The following PIGN variants were observed in gnomAD, a reference collection of about 807,000 sequenced individuals.
PIGN encodes the protein GPI ethanolamine phosphate transferase 1.
A neutral mutation model predicts 125.4 loss-of-function variants in PIGN; 117 were observed. The ratio of observed to expected loss-of-function variants is 0.93; its 90% CI spans 0.80 to 1.09. PIGN has a LOEUF of 1.09. PIGN is among the 50% of genes least tolerant of loss of function. The pLI is 0.00. For missense variants in PIGN, 1,075 were observed against 1,094.9 expected (o/e 0.98, Z 0.26); for synonymous variants, 392 against 377.8 (o/e 1.04, Z -0.44).
chr18:62,127,984 A>G lies in PIGN; in HGVS notation c.1172+10259T>C, dbSNP rs80219765. Among the ~76,000 whole-genome samples, 1,467 of 152,310 alleles carry G rather than the reference A, an allele frequency of 9.6e-3. 47 individuals are homozygous for G. Among genetic ancestry groups the G allele is most frequent in the East Asian group, 0.068 (354 of 5,180 alleles). On this transcript the variant is annotated intron_variant, in intron 14 of 30. Transcript: ENST00000640252. ...AAAATGCATGGGAAACTACACATGG[A>G]AAACATACCAACAAACTTATGAAAA...
intron 30 of PIGN, among the ~76,000 whole-genome samples, chr18:62,065,227 C>CT (rs1488515473): frequency 3.3e-5 from 5 of 150,954 alleles, no homozygotes; most frequent in Non-Finnish European, 7.4e-5. Context: ...TTTTTAAAAA[C>CT]TTTTTTATAA....
intron 23 of PIGN, among the ~76,000 whole-genome samples, chr18:62,024,518 C>G (rs2030091874): frequency 6.6e-6 from 1 of 152,198 alleles, no homozygotes; most frequent in Non-Finnish European, 1.5e-5. Context: ...TGGTTCTCCT[C>G]TTTTTCCTCC....
intron 1 of PIGN, among the ~76,000 whole-genome samples, chr18:62,166,439 G>A (rs2037136346): frequency 1.3e-5 from 2 of 152,192 alleles, no homozygotes; most frequent in African/African-American, 4.8e-5. Flanking sequence ...AAATAGGAAT[G>A]TTTTTACACT....
chr18:62,126,252 A>G (rs771400493), intron 14 of PIGN, among the ~76,000 whole-genome samples: 11 of 152,138 alleles, frequency 7.2e-5, no homozygotes, highest in Non-Finnish European at 1.0e-4. Flanking sequence ...AATAATAATT[A>G]TCATACTTTC....
In PIGN at chr18:62,140,291, G is replaced by A. The variant is rs1010263247; in HGVS notation, c.1023+129C>T. On this transcript the variant is annotated intron_variant, in intron 12 of 30. Transcript: ENST00000640252. Reference sequence around the variant, plus strand: ...GAGCCCAGAAGTTCAAGACCAGCCTGGGCAACATAGCAAGACCCCATCTAA... The same window carrying A: ...GAGCCCAGAAGTTCAAGACCAGCCTAGGCAACATAGCAAGACCCCATCTAA... The A allele has an allele frequency of 1.1e-5, 5 of 470,410 alleles. No individual in the cohort carries two copies. The South Asian group carries it at 1.5e-4, about 14-fold the overall frequency. 29.1% of individuals were successfully genotyped at this position (470,410 alleles called of 1,614,324 possible). A position where few individuals can be genotyped will look rare whatever the true frequency, so the allele number is the denominator to read the frequency against.
Position 62,059,620 on chromosome 18 carries a change from C to T in PIGN, c.2672+13053G>A, listed in dbSNP as rs377240427. ...TAGGCAAATCTGTAGAGACAGAAAG[C>T]AGATTTGTTGTTGCCTGGGCTTGGG... is the stretch of plus-strand genomic sequence containing the variant. On this transcript the variant is annotated intron_variant, in intron 30 of 30. Coordinates refer to ENST00000640252, the MANE Select transcript of PIGN (RefSeq NM_176787.5). Among the ~76,000 whole-genome samples, 490 of 152,210 alleles carry T rather than the reference C, an allele frequency of 3.2e-3. 5 individuals carry two copies. The highest frequency in any genetic ancestry group is 0.011 in the African/African-American group (477 of 41,520).
intron 30 of PIGN, among the ~76,000 whole-genome samples, chr18:62,051,498 T>TGTA (rs2031284113): frequency 6.6e-6 from 1 of 152,196 alleles, no homozygotes; most frequent in Admixed American, 6.5e-5. Flanking sequence ...TAGAGGTGTT[T>TGTA]GTAGTATTCT....
intron 20 of PIGN, chr18:62,105,301 C>A (rs1170046043): frequency 3.6e-6 from 1 of 280,412 alleles, no homozygotes. Flanking sequence ...AAAAAATGGG[C>A]GGGATTTTAA....
chr18:62,021,811 T>C (rs1362678590), intron 23 of PIGN, among the ~76,000 whole-genome samples: 3 of 152,202 alleles, frequency 2.0e-5, no homozygotes, highest in African/African-American at 7.2e-5. Context: ...CAAGTGGGAC[T>C]ATTTGGGGTC....
In PIGN at chr18:62,042,362, T is replaced by C. The variant is rs1402383604; in HGVS notation, c.*3494A>G. 6.6e-6 allele frequency: 1 copy of C among 152,188 alleles called. No individual in the cohort carries two copies. Among genetic ancestry groups the C allele is most frequent in the African/African-American group, 2.4e-5 (1 of 41,452 alleles). The allele number at this position is 152,188 out of a possible 1,614,324, so 9.4% of individuals were successfully genotyped here. On this transcript the variant is annotated 3_prime_UTR_variant, in exon 31 of 31. Coordinates refer to ENST00000640252, the MANE Select transcript of PIGN (RefSeq NM_176787.5). ...AAGAAAAAAGAAACTATTTTTATTATGACATTTATTTGTATTACAAGGAAC... is the reference window on the plus strand; with the variant it reads ...AAGAAAAAAGAAACTATTTTTATTACGACATTTATTTGTATTACAAGGAAC...
At chr18:62,184,636 A>G (rs1457249117) in intron 1 of PIGN, 1 of 152,204 alleles carries the variant, frequency 6.6e-6, no homozygotes, top group Non-Finnish European at 1.5e-5. Context: ...TATGGGAAGA[A>G]TTCCTCTACA....
intron 8 of PIGN, 87 bp from the exon 9 acceptor site, chr18:62,147,188 T>C: frequency 1.4e-6 from 2 of 1,408,132 alleles, no homozygotes; most frequent in Non-Finnish European, 1.9e-6. Context: ...TCAAAATCAG[T>C]AACTTCTGAA....
chr18:62,118,925 A>G (rs2035191467), intron 14 of PIGN, among the ~76,000 whole-genome samples: 2 of 152,028 alleles, frequency 1.3e-5, no homozygotes, highest in African/African-American at 4.8e-5. Flanking sequence ...TTTGTATAGA[A>G]CAAGAGGACA....
intron 1 of PIGN, among the ~76,000 whole-genome samples, chr18:62,168,562 A>G (rs997187004): frequency 6.6e-6 from 1 of 152,126 alleles, no homozygotes; most frequent in African/African-American, 2.4e-5. Context: ...TAAATACTTC[A>G]GTGTTTACTT....
At chr18:62,089,929 T>C (rs1028061076) in intron 24 of PIGN, among the ~76,000 whole-genome samples, 3 of 152,164 alleles carry the variant, frequency 2.0e-5, no homozygotes, top group Non-Finnish European at 4.4e-5. Flanking sequence ...TCCTTAAAAA[T>C]TGGTTGGATT....
chr18:62,018,252 G>A (rs2030006425), intron 23 of PIGN, among the ~76,000 whole-genome samples: 1 of 152,226 alleles, frequency 6.6e-6, no homozygotes, highest in Non-Finnish European at 1.5e-5. Flanking sequence ...CTCTGGTAGA[G>A]CTGGGAGGCT....
chr18:62,039,426 T>C (rs1202763141), downstream of PIGN, among the ~76,000 whole-genome samples: 1 of 152,088 alleles, frequency 6.6e-6, no homozygotes, highest in Non-Finnish European at 1.5e-5. Context: ...AGTTTTTACC[T>C]GATGTCCTTT....
chr18:62,175,424 CTT>C (rs2037490979), intron 1 of PIGN, among the ~76,000 whole-genome samples: 1 of 152,176 alleles, frequency 6.6e-6, no homozygotes, highest in Non-Finnish European at 1.5e-5. Flanking sequence ...GGTTAAAACT[CTT>C]TAACCCATTC....
At chr18:62,145,811 A>T (rs2036305671) in intron 10 of PIGN, 98 bp downstream of exon 10, 1 of 660,510 alleles carries the variant, frequency 1.5e-6, no homozygotes, top group Non-Finnish European at 2.7e-6. Flanking sequence ...AAAATGAGGG[A>T]TTTACAACTA....
Sources: gnomAD v4.1 joint callset for allele counts (sites outside exome capture counted in the v4.1 genomes callset) on GRCh38, gnomAD v4.1.1 for gene constraint, MANE v1.5 for transcripts, NCBI Gene and HGNC (gene_info 2026-07-23, HGNC 2026-07-21) for gene names.